TPO: variants seen among roughly 807,000 people sequenced by gnomAD.
TPO encodes the protein thyroid peroxidase.
Under a neutral mutation model 96.9 loss-of-function variants are expected in TPO, and 78 were observed. The observed-to-expected ratio is 0.81, with a 90% CI of 0.67 to 0.97. The LOEUF (loss-of-function observed/expected upper bound fraction) is 0.97. Among genes scored for constraint, TPO ranks in the 50% least tolerant of loss-of-function variants. The probability of loss-of-function intolerance (pLI) is 0.00; values close to 1 mark genes in which losing one functional copy is unlikely to be tolerated. For synonymous variants in TPO, 547 were observed against 538.0 expected (o/e 1.02, Z -0.23); for missense variants, 1,252 against 1,274.8 (o/e 0.98, Z 0.27).
chr2:1,442,848 A>G (rs530713357), intron 5 of TPO, among the ~76,000 whole-genome samples: 9 of 152,334 alleles, frequency 5.9e-5, no homozygotes, highest in African/African-American at 2.2e-4. Context: ...AAGGTCAGTG[A>G]TTGATTATGT....
chr2:1,541,078 G>A, intron 16 of TPO: 1 of 1,227,796 alleles, frequency 8.1e-7, no homozygotes, highest in Non-Finnish European at 1.0e-6. Context: ...TTTTTAAGTG[G>A]AATAGTTATA....
chr2:1,479,377 A>C (rs1280905014), intron 8 of TPO, among the ~76,000 whole-genome samples: 1 of 152,184 alleles, frequency 6.6e-6, no homozygotes, highest in African/African-American at 2.4e-5. Context: ...TCATAAATAT[A>C]TGTAGAGTTT....
In TPO at chr2:1,484,656, G is replaced by C. The variant is rs373267637; in HGVS notation, c.1399G>C (p.Val467Leu). ...ILGPEAFQQY[V>L]GPYEGYDSTA... ...GGGACCCGAGGCCTTCCAGCAGTAC[G>C]TGGGTCCCTATGAAGGCTATGACTC... Residue 467 changes from valine (V) to leucine (L), a missense_variant, in exon 9 of 17, where the codon GTG becomes CTG. Physicochemically the swap from Val to Leu is conservative, Grantham distance 32. Coordinates refer to ENST00000329066, the MANE Select transcript of TPO (RefSeq NM_001206744.2). 1 of 1,614,132 alleles carries C rather than the reference G, an allele frequency of 6.2e-7. No individual in the cohort carries two copies. Among genetic ancestry groups the C allele is most frequent in the Non-Finnish European group, 8.5e-7 (1 of 1,180,044 alleles).
chr2:1,516,343 C>G (rs1313422295), intron 14 of TPO, among the ~76,000 whole-genome samples: 1 of 152,210 alleles, frequency 6.6e-6, no homozygotes, highest in Non-Finnish European at 1.5e-5. Context: ...CCCGTGCCCC[C>G]GTCCCCCCAG....
At chr2:1,451,731 A>G (rs982207162) in intron 5 of TPO, among the ~76,000 whole-genome samples, 1 of 152,216 alleles carries the variant, frequency 6.6e-6, no homozygotes, top group Non-Finnish European at 1.5e-5. Context: ...ATATCATGAC[A>G]ATGTTAGACC....
Position 1,435,401 on chromosome 2 carries a change from G to A in TPO, c.350-851G>A, listed in dbSNP as rs116045274. Among the ~76,000 whole-genome samples, 878 of 152,300 alleles carry A rather than the reference G, an allele frequency of 5.8e-3. 10 individuals carry two copies. Among genetic ancestry groups the A allele is most frequent in the African/African-American group, 0.02 (843 of 41,564 alleles). ...TAACTGTTCCCATAGAGCCATTCCC[G>A]TTGGACTGTTAGTGAGCATTCATGA... is the stretch of plus-strand genomic sequence containing the variant. On this transcript the variant is annotated intron_variant, in intron 4 of 16. Transcript: ENST00000329066.
At chr2:1,471,965 T>C (rs1001498553) in intron 7 of TPO, among the ~76,000 whole-genome samples, 1 of 149,656 alleles carries the variant, frequency 6.7e-6, no homozygotes, top group Non-Finnish European at 1.5e-5. Context: ...GCCCTTCCCA[T>C]GATCTGAATG....
chr2:1,537,223 CCAAATCCCCCAACTGTTTCGAACCACCT>C (rs1464721111), intron 15 of TPO, among the ~76,000 whole-genome samples: 8 of 102,746 alleles, frequency 7.8e-5, no homozygotes, highest in African/African-American at 1.3e-4. Context: ...TGCCACCTCC[CCAAATCCCCCAACTGTTTCGAACCACCT>C]CAAATCCCCC....
In TPO at chr2:1,496,097, C is replaced by T; in HGVS notation, c.2115C>T (p.Pro705=). 2 of 1,614,108 alleles carry T rather than the reference C, an allele frequency of 1.2e-6. No individual in the cohort carries two copies. Among genetic ancestry groups the T allele is most frequent in the Non-Finnish European group, 1.7e-6 (2 of 1,180,026 alleles). Residue 705 remains proline, a synonymous_variant, in exon 12 of 17, where the codon CCC becomes CCT. Transcript: ENST00000329066. ...ICDNTGLTRV[P]MDAFQVGKFP... is the part of the protein sequence containing the mutation. ...ACAACACTGGCCTCACCAGGGTGCC[C>T]ATGGATGCCTTCCAAGTCGGCAAAT... is the stretch of plus-strand genomic sequence containing the variant.
At chr2:1,472,941 C>A (rs1669575959) in intron 7 of TPO, among the ~76,000 whole-genome samples, 1 of 147,614 alleles carries the variant, frequency 6.8e-6, no homozygotes, top group Non-Finnish European at 1.5e-5. Flanking sequence ...CTTTTTTTGG[C>A]AATTTGTATT....
At chr2:1,528,847 T>C (rs1677275099) in intron 15 of TPO, among the ~76,000 whole-genome samples, 1 of 88,072 alleles carries the variant, frequency 1.1e-5, no homozygotes, top group African/African-American at 4.8e-5. Context: ...GTGTGCAACC[T>C]CCTCAAATCC....
At chr2:1,414,536 T>C in intron 2 of TPO, 34 bp downstream of exon 2, 5 of 1,598,318 alleles carry the variant, frequency 3.1e-6, no homozygotes, top group Non-Finnish European at 4.3e-6. Context: ...CTTCTGGCCT[T>C]ATAAAGTTAT....
At chr2:1,414,369 T>C (rs1310154519) in intron 1 of TPO, 39 bp from the exon 2 acceptor site, 1 of 1,590,344 alleles carries the variant, frequency 6.3e-7, no homozygotes. Flanking sequence ...GCCTTGTCAG[T>C]GCTTGATTAC....
upstream of TPO, among the ~76,000 whole-genome samples, chr2:1,412,626 C>T (rs1413128044): frequency 2.0e-5 from 3 of 152,034 alleles, no homozygotes; most frequent in Non-Finnish European, 1.5e-5. Flanking sequence ...CATTTGGTTT[C>T]AAATTACCTA....
At chr2:1,388,024 GAATATTGCTGAACAGCA>G (rs1661929507) in intron 1 of TPO, among the ~76,000 whole-genome samples, 2 of 152,300 alleles carry the variant, frequency 1.3e-5, no homozygotes, top group Non-Finnish European at 1.5e-5. Context: ...GCAGAACAGT[GAATATTGCTGAACAGCA>G]AATGTTGCTG....
chr2:1,527,524 A>G (rs1175252607), intron 15 of TPO, among the ~76,000 whole-genome samples: 5 of 143,512 alleles, frequency 3.5e-5, no homozygotes, highest in Non-Finnish European at 7.6e-5. Context: ...AGTGTGTGCA[A>G]CTTCCCTAAA....
chr2:1,433,620 C>T lies in TPO; in HGVS notation c.349+13C>T. The T allele has an allele frequency of 6.2e-7, 1 of 1,612,446 alleles. No individual in the cohort carries two copies. The highest frequency in any genetic ancestry group is 1.1e-5 in the South Asian group (1 of 90,862). ...CAGCATCCAACGGGTAATGTGTGCC[C>T]CTCTCCCCACTGAGGAGCGGCAACT... On this transcript the variant is annotated intron_variant, in intron 4 of 16. Coordinates refer to ENST00000329066, the MANE Select transcript of TPO (RefSeq NM_001206744.2).
chr2:1,427,620 C>T (rs1002620611), intron 3 of TPO, among the ~76,000 whole-genome samples: 3 of 152,248 alleles, frequency 2.0e-5, no homozygotes, highest in African/African-American at 7.2e-5. Context: ...GTCTCCCTTT[C>T]TCCGCTTCAT....
intron 9 of TPO, among the ~76,000 whole-genome samples, chr2:1,487,063 C>A (rs2361748): frequency 9.2e-5 from 14 of 152,206 alleles, no homozygotes; most frequent in Non-Finnish European, 2.9e-5. Context: ...TGAGATAGAC[C>A]GACCCTGACA....
Sources: gnomAD v4.1 joint callset for allele counts (sites outside exome capture counted in the v4.1 genomes callset) on GRCh38, gnomAD v4.1.1 for gene constraint, MANE v1.5 for transcripts, NCBI Gene and HGNC (gene_info 2026-07-23, HGNC 2026-07-21) for gene names.